SLC43A3: variants seen among roughly 807,000 people sequenced by gnomAD.
The protein encoded by SLC43A3 is equilibrative nucleobase transporter 1.
Under a neutral mutation model 53.3 loss-of-function variants are expected in SLC43A3, and 33 were observed. The ratio of observed to expected loss-of-function variants is 0.62; its 90% CI spans 0.47 to 0.83. The LOEUF (loss-of-function observed/expected upper bound fraction) is 0.83. Ranked by LOEUF, SLC43A3 falls within the 40% of genes least tolerant of loss-of-function variation. SLC43A3 has a pLI of 0.00. For synonymous variants in SLC43A3, 236 were observed against 246.2 expected (o/e 0.96, Z 0.39); for missense variants, 530 against 610.0 (o/e 0.87, Z 1.38).
chr11:57,424,313 T>C (rs1034889872), intron 4 of SLC43A3, among the ~76,000 whole-genome samples: 1 of 152,192 alleles, frequency 6.6e-6, no homozygotes, highest in African/African-American at 2.4e-5. Context: ...GACGATGTGA[T>C]TGGCTTGGGA....
chr11:57,411,820 G>T (rs61886960), intron 11 of SLC43A3, among the ~76,000 whole-genome samples: 33,398 of 152,006 alleles, frequency 0.22, 3,930 homozygotes, highest in Non-Finnish European at 0.27. Flanking sequence ...ATCAATATTG[G>T]TAAAACCAGT....
At chr11:57,423,398 T>C (rs1943071456) in intron 5 of SLC43A3, among the ~76,000 whole-genome samples, 1 of 152,162 alleles carries the variant, frequency 6.6e-6, no homozygotes, top group African/African-American at 2.4e-5. Context: ...GAGAAGGATG[T>C]AAAGGTTTTT....
chr11:57,414,952 G>A lies in SLC43A3; in HGVS notation c.924C>T (p.Ala308=), dbSNP rs142442242. The change falls in exon 10 of 14, where the codon GCC becomes GCT. Residue 308 remains alanine (A), a synonymous_variant. Coordinates refer to ENST00000395124, the MANE Select transcript of SLC43A3 (RefSeq NM_199329.3). ...GTLNSLLTNM[A]GGDMARVSTY... is the part of the protein sequence containing the mutation. ...ACATACCTCGTGCCATGTCCCCACCGGCCATGTTGGTCAGCAAGGAGTTGA... is the reference window on the plus strand; with the variant it reads ...ACATACCTCGTGCCATGTCCCCACCAGCCATGTTGGTCAGCAAGGAGTTGA... The A allele has an allele frequency of 1.2e-4, 188 of 1,613,066 alleles. 2 individuals carry two copies. Among genetic ancestry groups the A allele is most frequent in the South Asian group, 1.2e-3 (106 of 91,066 alleles).
At position 57,421,074 on chromosome 11, in the gene SLC43A3, A is replaced by G; in HGVS notation, c.439-10T>C. ...CAAATAGGTTCCCAATCTGGGGATG[A>G]TAGGACTAGCCTGGATCACTTATTT... On this transcript the variant is annotated splice_polypyrimidine_tract_variant and intron_variant, in intron 6 of 13. Coordinates refer to ENST00000395124, the MANE Select transcript of SLC43A3 (RefSeq NM_199329.3). 2 of 1,585,030 alleles carry G rather than the reference A, an allele frequency of 1.3e-6. No homozygotes were observed. Among genetic ancestry groups the G allele is most frequent in the Non-Finnish European group, 1.7e-6 (2 of 1,153,588 alleles).
At chr11:57,418,547 T>A (rs72923981) in intron 7 of SLC43A3, among the ~76,000 whole-genome samples, 3,262 of 151,882 alleles carry the variant, frequency 0.021, 54 homozygotes, top group South Asian at 0.036. Context: ...AATAAATAAA[T>A]CAGCTGGGCG....
At chr11:57,422,962 T>A (rs1590707747) in intron 5 of SLC43A3, among the ~76,000 whole-genome samples, 2 of 152,340 alleles carry the variant, frequency 1.3e-5, no homozygotes, top group South Asian at 2.1e-4. Context: ...TAGCATAGCT[T>A]ACACACACAA....
chr11:57,409,431 T>C, intron 12 of SLC43A3, 133 bp from the exon 13 acceptor site: 1 of 991,036 alleles, frequency 1.0e-6, no homozygotes, highest in South Asian at 1.6e-5. Flanking sequence ...ACCACACCTG[T>C]CTGGCCTTTC....
intron 10 of SLC43A3, 32 bp downstream of exon 10, chr11:57,414,901 C>A (rs201686088): frequency 1.2e-5 from 20 of 1,609,128 alleles, no homozygotes; most frequent in Admixed American, 5.0e-5. Flanking sequence ...CTGGGACATG[C>A]AGATGGGCTA....
At chr11:57,413,061 C>CAA (rs1190635755) in intron 11 of SLC43A3, among the ~76,000 whole-genome samples, 960 of 76,238 alleles carry the variant, frequency 0.013, 10 homozygotes, top group African/African-American at 0.043. Context: ...TTATTCACGG[C>CAA]AAAAAAAAAA....
chr11:57,416,082 C>T (rs1421199150), intron 9 of SLC43A3, among the ~76,000 whole-genome samples: 1 of 152,200 alleles, frequency 6.6e-6, no homozygotes, highest in African/African-American at 2.4e-5. Context: ...TTTTGTCCTT[C>T]GACCTGCATC....
chr11:57,421,184 C>T, intron 6 of SLC43A3, 113 bp downstream of exon 6: 1 of 1,223,712 alleles, frequency 8.2e-7, no homozygotes, highest in Admixed American at 1.9e-5. Flanking sequence ...CTAGAGCTCC[C>T]ACCTCAGCTT....
chr11:57,416,454 T>C (rs1942727085), intron 9 of SLC43A3, 119 bp downstream of exon 9: 2 of 731,296 alleles, frequency 2.7e-6, no homozygotes, highest in East Asian at 5.3e-5. Context: ...TAAGGCCCTT[T>C]TTCTGTCCTG....
Position 57,416,563 on chromosome 11 carries a change from C to T in SLC43A3, c.769+10G>A. 6.2e-7 allele frequency: 1 copy of T among 1,608,916 alleles called. No homozygotes were observed. The highest frequency in any genetic ancestry group is 8.5e-7 in the Non-Finnish European group (1 of 1,175,500). Reference sequence around the variant, plus strand: ...TCTGGAGGAGAGATGGGTTAGCCAGCAGGGCTCACCTTCCTTCGCTGAAAG... The same window carrying T: ...TCTGGAGGAGAGATGGGTTAGCCAGTAGGGCTCACCTTCCTTCGCTGAAAG... On this transcript the variant is annotated intron_variant, in intron 9 of 13. Coordinates refer to ENST00000395124, the MANE Select transcript of SLC43A3 (RefSeq NM_199329.3).
intron 7 of SLC43A3, among the ~76,000 whole-genome samples, chr11:57,418,302 C>T (rs1942816805): frequency 6.6e-6 from 1 of 151,822 alleles, no homozygotes; most frequent in Non-Finnish European, 1.5e-5. Flanking sequence ...CCACTGCACC[C>T]CAGCCTGGAC....
intron 9 of SLC43A3, 99 bp from the exon 10 acceptor site, chr11:57,415,205 C>A (rs1278045964): frequency 4.5e-6 from 7 of 1,560,726 alleles, no homozygotes; most frequent in Non-Finnish European, 6.1e-6. Context: ...GATCCGGGCC[C>A]ACCTTCTACC....
intron 6 of SLC43A3, 86 bp from the exon 7 acceptor site, chr11:57,421,150 T>C: frequency 7.9e-7 from 1 of 1,258,300 alleles, no homozygotes; most frequent in Non-Finnish European, 1.2e-6. Flanking sequence ...AGACCCTCCT[T>C]ATACCCAAAC....
In SLC43A3 at chr11:57,425,877, C is replaced by G. The variant is rs578160700; in HGVS notation, c.184+112G>C. On this transcript the variant is annotated intron_variant, in intron 3 of 13. Coordinates refer to ENST00000395124, the MANE Select transcript of SLC43A3 (RefSeq NM_199329.3). Reference sequence around the variant, plus strand: ...ATCAAGTGGGGTGAGAGCTGCTGACCCTTCCTCTCATCATAGAAAGAGGGG... The same window carrying G: ...ATCAAGTGGGGTGAGAGCTGCTGACGCTTCCTCTCATCATAGAAAGAGGGG... The G allele has an allele frequency of 1.9e-3, 2,644 of 1,356,362 alleles. 9 individuals are homozygous for G. Among genetic ancestry groups the G allele is most frequent in the South Asian group, 4.5e-3 (340 of 75,866 alleles). 84.0% of individuals were successfully genotyped at this position (1,356,362 alleles called of 1,614,324 possible).
chr11:57,426,619 G>C lies in SLC43A3; in HGVS notation c.-212C>G, dbSNP rs1021665157. On this transcript the variant is annotated 5_prime_UTR_variant, in exon 2 of 14. Transcript: ENST00000395124. ...GCTCCCCGGGAGCAGGTGGAGAAGC[G>C]GAGCTCCTGCGCTCGAATTCTGAAT... 2.4e-4 allele frequency: 38 copies of C among 158,396 alleles called. No individual in the cohort carries two copies. Among genetic ancestry groups the C allele is most frequent in the Admixed American group, 1.9e-4 (3 of 16,100 alleles). The allele number at this position is 158,396 out of a possible 1,614,324, so 9.8% of individuals were successfully genotyped here.
In SLC43A3 at chr11:57,416,610, CCT is replaced by C. The variant is rs772125112; in HGVS notation, c.730_731del (p.Arg244GlyfsTer99). Reference protein sequence around the residue: ...EEKETAEHENRELQSKEFLSA... With the variant: ...EEKETAEHENXELQSKEFLSA... ...AAAGGAACTCCTTTGACTGTAGCTC[CCT>C]GTTTTCATGCTCAGCTGTTTCCTTC... On this transcript the variant is annotated frameshift_variant, in exon 9 of 14. Transcript: ENST00000395124. LOFTEE classifies it high-confidence loss of function. 2.5e-6 allele frequency: 4 copies of C among 1,614,016 alleles called. No individual in the cohort carries two copies. Among genetic ancestry groups the C allele is most frequent in the African/African-American group, 1.3e-5 (1 of 74,900 alleles).
Sources: allele counts gnomAD v4.1 joint callset (sites outside exome capture counted in the v4.1 genomes callset), GRCh38; gene constraint gnomAD v4.1.1; transcripts MANE v1.5; gene names NCBI Gene and HGNC (gene_info 2026-07-23, HGNC 2026-07-21).